ZNF37A: variants seen among roughly 807,000 people sequenced by gnomAD.
ZNF37A encodes the protein zinc finger protein 37A, also known as zinc finger protein 37a (KOX 21).
ZNF37A carries 10 observed loss-of-function variants against 12.3 expected under a neutral mutation model. The observed-to-expected ratio is 0.82, with a 90% confidence interval of 0.50 to 1.38. The LOEUF (loss-of-function observed/expected upper bound fraction) is 1.38, where lower values mean the gene tolerates loss of function less well. ZNF37A is among the 40% of genes most tolerant of loss of function. The probability of loss-of-function intolerance (pLI) is 0.00; values close to 1 mark genes in which losing one functional copy is unlikely to be tolerated. For missense variants in ZNF37A, 580 were observed against 651.2 expected, an observed-to-expected ratio of 0.89 and a Z score of 1.19; for synonymous variants, 207 against 223.0, an observed-to-expected ratio of 0.93 and a Z score of 0.64.
At chr10:38,144,627 G>A (rs1248178256) in intron 7 of ZNF37A, among the ~76,000 whole-genome samples, 2 of 152,166 alleles carry the variant, frequency 1.3e-5, no homozygotes, top group Non-Finnish European at 2.9e-5. Flanking sequence ...GTGTCCAGTG[G>A]AGCCCACGTG....
At chr10:38,129,041 C>T (rs571400809), downstream of ZNF37A, among the ~76,000 whole-genome samples, 2 of 152,076 alleles carry the variant, frequency 1.3e-5, no homozygotes, top group East Asian at 3.9e-4. Context: ...CGTGAGCCAC[C>T]GCATCTGGCC....
At chr10:38,132,340 G>T (rs1030230781) in intron 7 of ZNF37A, among the ~76,000 whole-genome samples, 4 of 151,966 alleles carry the variant, frequency 2.6e-5, no homozygotes, top group East Asian at 1.9e-4. Context: ...TGCCTTTTCT[G>T]TATCAACTGA....
chr10:38,125,214 T>A (rs528826310), downstream of ZNF37A: 13 of 152,194 alleles, frequency 8.5e-5, no homozygotes, highest in Non-Finnish European at 1.9e-4. Flanking sequence ...TAAATTAGAT[T>A]TTGTTAAATT....
chr10:38,110,227 C>T (rs2068521729), intron 5 of ZNF37A, among the ~76,000 whole-genome samples: 1 of 152,004 alleles, frequency 6.6e-6, no homozygotes, highest in Admixed American at 6.6e-5. Flanking sequence ...CTGAAAAAAG[C>T]AATGGGGAAA....
intron 7 of ZNF37A, 125 bp downstream of exon 7, chr10:38,115,415 A>C: frequency 2.1e-6 from 3 of 1,402,936 alleles, no homozygotes; most frequent in Non-Finnish European, 2.8e-6. Flanking sequence ...TTTGGAAGTA[A>C]CATGTTGACG....
chr10:38,128,738 A>C (rs1479559235), downstream of ZNF37A, among the ~76,000 whole-genome samples: 1 of 152,088 alleles, frequency 6.6e-6, no homozygotes, highest in African/African-American at 2.4e-5. Flanking sequence ...GTGGGCATGA[A>C]GTGTTCTACT....
chr10:38,140,664 G>A (rs2136083275), intron 7 of ZNF37A: 1 of 152,290 alleles, frequency 6.6e-6, no homozygotes, highest in Non-Finnish European at 1.5e-5. Flanking sequence ...TGTTCTGTCT[G>A]CTAAGAGATA....
At chr10:38,145,207 G>A (rs907925576) in intron 7 of ZNF37A, among the ~76,000 whole-genome samples, 4 of 116,370 alleles carry the variant, frequency 3.4e-5, no homozygotes, top group Non-Finnish European at 7.6e-5. Flanking sequence ...CAATAAAAGC[G>A]GATCCAGGGA....
Position 38,117,886 on chromosome 10 carries a change from T to C in ZNF37A, c.735T>C (p.Tyr245=), listed in dbSNP as rs1396806989. ...RTHSINNIIE[Y]NECGTFFSEK... ...ACTCAATTAACAATATTATTGAATA[T>C]AATGAGTGTGGAACATTTTTCAGTG... is the stretch of plus-strand genomic sequence containing the variant. Residue 245 remains tyrosine (Y), a synonymous_variant, in exon 8 of 8, where the codon TAT becomes TAC. Coordinates refer to ENST00000685332, the MANE Select transcript of ZNF37A (RefSeq NM_001324250.3). The C allele has an allele frequency of 1.1e-5, 18 of 1,614,012 alleles. No homozygotes were observed. The highest frequency in any genetic ancestry group is 5.0e-5 in the Admixed American group (3 of 59,936).
At chr10:38,133,825 TA>T (rs1178565573) in intron 7 of ZNF37A, among the ~76,000 whole-genome samples, 1 of 152,316 alleles carries the variant, frequency 6.6e-6, no homozygotes, top group Middle Eastern at 3.4e-3. Context: ...TTTGGGTATA[TA>T]CCCAGTAATG....
chr10:38,112,793 TTCTTGTCTTG>T lies in ZNF37A; in HGVS notation c.16-1952_16-1943del, dbSNP rs1224905450. Among the ~76,000 whole-genome samples, 4 of 48,782 alleles carry T rather than the reference TTCTTGTCTTG, an allele frequency of 8.2e-5. 1 individual carries two copies. Among genetic ancestry groups the T allele is most frequent in the African/African-American group, 2.8e-4 (4 of 14,160 alleles). 32.0% of individuals were successfully genotyped at this position (48,782 alleles called of 152,430 possible). On this transcript the variant is annotated intron_variant, in intron 5 of 7. Transcript: ENST00000685332. ...TTCTTTTCTTTTCTTTTCTTTTCTT[TTCTTGTCTTG>T]TCTTGTCTTCTTTTCTTTTCTTTCA... is the stretch of plus-strand genomic sequence containing the variant.
Position 38,118,039 on chromosome 10 carries a change from AAAACCCT to A in ZNF37A, c.890_896del (p.Lys297MetfsTer132), listed in dbSNP as rs759895474. 31 of 1,613,606 alleles carry A rather than the reference AAAACCCT, an allele frequency of 1.9e-5. No individual in the cohort carries two copies. The Admixed American group carries it at 5.2e-4, about 27-fold the overall frequency. ...GACATCAGAGAACACACACAGGGGG[AAAACCCT>A]ATGAATGTCATGAATGTGGGAAGAC... On this transcript the variant is annotated frameshift_variant, in exon 8 of 8. Transcript: ENST00000685332. LOFTEE classifies it low-confidence loss of function (END_TRUNC).
intron 5 of ZNF37A, among the ~76,000 whole-genome samples, chr10:38,113,611 G>A (rs115936846): frequency 1.3e-5 from 2 of 152,234 alleles, no homozygotes; most frequent in African/African-American, 2.4e-5. Flanking sequence ...ATTTCCAGAC[G>A]TTCTAAGGCC....
intron 7 of ZNF37A, among the ~76,000 whole-genome samples, chr10:38,131,246 C>T (rs1378757780): frequency 6.6e-6 from 1 of 152,222 alleles, no homozygotes; most frequent in Non-Finnish European, 1.5e-5. Context: ...ATTCTGTTGT[C>T]TGTGTTTTTG....
intron 7 of ZNF37A, among the ~76,000 whole-genome samples, chr10:38,116,484 G>A (rs1182140800): frequency 6.6e-6 from 1 of 152,118 alleles, no homozygotes; most frequent in African/African-American, 2.4e-5. Flanking sequence ...ATCAGTATGA[G>A]ATTATGATGG....
intron 5 of ZNF37A, among the ~76,000 whole-genome samples, chr10:38,099,623 G>A (rs2067402788): frequency 6.6e-6 from 1 of 152,026 alleles, no homozygotes; most frequent in African/African-American, 2.4e-5. Flanking sequence ...AGTTCTTTTG[G>A]TTATATACTC....
chr10:38,105,246 C>T (rs886764080), intron 5 of ZNF37A, among the ~76,000 whole-genome samples: 1 of 152,136 alleles, frequency 6.6e-6, no homozygotes, highest in Admixed American at 6.5e-5. Context: ...CTCAGGTGAT[C>T]TGCCCACCTT....
Position 38,121,212 on chromosome 10 carries a change from A to T in ZNF37A, c.*2375A>T, listed in dbSNP as rs183006583. ...AACCTTGATAACAAAACCTAAAAAA[A>T]AAACAACAAAAAAACCCATAAAGCT... is the stretch of plus-strand genomic sequence containing the variant. On this transcript the variant is annotated 3_prime_UTR_variant, in exon 8 of 8. Coordinates refer to ENST00000685332, the MANE Select transcript of ZNF37A (RefSeq NM_001324250.3). The T allele has an allele frequency of 6.7e-4, 102 of 152,276 alleles. No homozygotes were observed. Among genetic ancestry groups the T allele is most frequent in the African/African-American group, 2.4e-3 (98 of 41,582 alleles). The allele number at this position is 152,276 out of a possible 1,614,324, so 9.4% of individuals were successfully genotyped here.
At chr10:38,109,938 A>G (rs1274957725) in intron 5 of ZNF37A, among the ~76,000 whole-genome samples, 1 of 152,224 alleles carries the variant, frequency 6.6e-6, no homozygotes, top group Non-Finnish European at 1.5e-5. Flanking sequence ...TATAGATTCA[A>G]GCTATCCCCA....
Sources: gnomAD v4.1 joint callset for allele counts (sites outside exome capture counted in the v4.1 genomes callset) on GRCh38, gnomAD v4.1.1 for gene constraint, MANE v1.5 for transcripts, NCBI Gene and HGNC (gene_info 2026-07-23, HGNC 2026-07-21) for gene names.